The following C9orf72 variants were observed in gnomAD, a reference collection of about 807,000 sequenced individuals.
The protein encoded by C9orf72 is C9orf72-SMCR8 complex subunit.
Under a neutral mutation model 51.6 loss-of-function variants are expected in C9orf72, and 44 were observed. The observed-to-expected ratio is 0.85, with a 90% CI of 0.67 to 1.10. The LOEUF is 1.10. C9orf72 is among the 50% of genes least tolerant of loss of function. The pLI, the probability that C9orf72 is intolerant of heterozygous loss-of-function variation, is 0.00. For synonymous variants in C9orf72, 213 were observed against 194.2 expected (o/e 1.10, Z -0.81); for missense variants, 607 against 570.6 (o/e 1.06, Z -0.65).
chr9:27,549,462 G>A (rs183521255), intron 9 of C9orf72, among the ~76,000 whole-genome samples: 151 of 152,138 alleles, frequency 9.9e-4, no homozygotes, highest in African/African-American at 3.5e-3. Flanking sequence ...CCAGGCCTAC[G>A]AATTTTCCTT....
intron 7 of C9orf72, 122 bp from the exon 8 acceptor site, chr9:27,556,918 C>A (rs1819216145): frequency 2.9e-6 from 2 of 683,698 alleles, no homozygotes. Context: ...TCCTAAGAAG[C>A]TATTCATGAG....
chr9:27,563,709 A>C (rs936185668), intron 3 of C9orf72, among the ~76,000 whole-genome samples: 1 of 152,108 alleles, frequency 6.6e-6, no homozygotes, highest in Non-Finnish European at 1.5e-5. Context: ...GTTTTATCCT[A>C]AGCCATATGC....
intron 9 of C9orf72, 135 bp downstream of exon 9, chr9:27,550,515 T>C: frequency 2.0e-6 from 1 of 500,362 alleles, no homozygotes; most frequent in Non-Finnish European, 3.6e-6. Context: ...GTAACTAACT[T>C]AACTGCAATT....
chr9:27,572,552 G>A (rs1469889938), intron 1 of C9orf72, among the ~76,000 whole-genome samples: 2 of 151,908 alleles, frequency 1.3e-5, no homozygotes, highest in Non-Finnish European at 2.9e-5. Context: ...CATGGCAACT[G>A]TTTGAATAGA....
At position 27,567,028 on chromosome 9, in the gene C9orf72, A is replaced by C; in HGVS notation, c.93T>G (p.Ala31=). The change falls in exon 2 of 11, where the codon GCT becomes GCG. Residue 31 remains alanine, a synonymous_variant. Transcript: ENST00000380003. ...TAGGACCAAGAATATTGTCCCAGTAAGCAAAAGTAGCTGCTAATAAAGGTG... is the reference window on the plus strand; with the variant it reads ...TAGGACCAAGAATATTGTCCCAGTACGCAAAAGTAGCTGCTAATAAAGGTG... ...GKSPLLAATF[A]YWDNILGPRV... 1 of 1,614,050 alleles carries C rather than the reference A, an allele frequency of 6.2e-7. No homozygotes were observed. Among genetic ancestry groups the C allele is most frequent in the Non-Finnish European group, 8.5e-7 (1 of 1,179,908 alleles).
chr9:27,568,836 CTTTTTT>C (rs879307887), intron 1 of C9orf72, among the ~76,000 whole-genome samples: 5 of 145,550 alleles, frequency 3.4e-5, no homozygotes, highest in Admixed American at 1.4e-4. Context: ...ACTCCTTCTA[CTTTTTT>C]TTTTTTTAAG....
At chr9:27,557,291 A>T (rs962871894) in intron 7 of C9orf72, among the ~76,000 whole-genome samples, 19 of 152,188 alleles carry the variant, frequency 1.2e-4, no homozygotes, top group Non-Finnish European at 2.5e-4. Context: ...CACCTCAATG[A>T]GTATGTATTT....
chr9:27,552,216 T>C (rs907257351), intron 8 of C9orf72, among the ~76,000 whole-genome samples: 1 of 152,222 alleles, frequency 6.6e-6, no homozygotes, highest in Non-Finnish European at 1.5e-5. Flanking sequence ...GACATCCTTG[T>C]CTTGTTACGG....
intron 1 of C9orf72, 75 bp from the exon 2 acceptor site, chr9:27,567,239 G>T: frequency 1.1e-6 from 1 of 869,824 alleles, no homozygotes; most frequent in Non-Finnish European, 1.7e-6. Context: ...AAATGATTTA[G>T]ACATATTTGG....
chr9:27,558,859 T>C (rs768887139), intron 6 of C9orf72: 79 of 327,108 alleles, frequency 2.4e-4, no homozygotes, highest in Non-Finnish European at 3.5e-4. Context: ...TTTGGCTACA[T>C]ACTGTGACTC....
intron 8 of C9orf72, among the ~76,000 whole-genome samples, chr9:27,556,045 CT>C (rs202225226): frequency 1.3e-3 from 177 of 140,946 alleles, no homozygotes; most frequent in Admixed American, 1.6e-3. Flanking sequence ...ACTGTTCAGG[CT>C]TTTTTTTTTA....
chr9:27,565,536 C>G lies in C9orf72; in HGVS notation c.499G>C (p.Asp167His), dbSNP rs754495907. The G allele has an allele frequency of 6.3e-7, 1 of 1,598,306 alleles. No homozygotes were observed. The highest frequency in any genetic ancestry group is 1.1e-5 in the South Asian group (1 of 90,688). ...AGTATGCAATTTGCATATACCTGAT[C>G]TTCCATTCTCTCTGTGCCTTCTAAG... ...IILEGTERME[D>H]QGQSIIPMLT... Residue 167 changes from aspartate to histidine, a missense_variant, in exon 3 of 11, where the codon GAT (aspartate) becomes CAT (histidine). Asp to His is a moderately conservative substitution (Grantham distance 81). Coordinates refer to ENST00000380003, the MANE Select transcript of C9orf72 (RefSeq NM_018325.5).
chr9:27,547,429 G>A lies in C9orf72; in HGVS notation c.*807C>T, dbSNP rs1820791080. On this transcript the variant is annotated 3_prime_UTR_variant, in exon 11 of 11. Coordinates refer to ENST00000380003, the MANE Select transcript of C9orf72 (RefSeq NM_018325.5). ...TCCAAGTAATTAGATTTTCTAAGGAGAAAAAAGGCACAGGAGGTGCACATT... is the reference window on the plus strand; with the variant it reads ...TCCAAGTAATTAGATTTTCTAAGGAAAAAAAAGGCACAGGAGGTGCACATT... 6.5e-6 allele frequency: 1 copy of A among 152,672 alleles called. No individual in the cohort carries two copies. Among genetic ancestry groups the A allele is most frequent in the Non-Finnish European group, 1.5e-5 (1 of 67,986 alleles). The allele number at this position is 152,672 out of a possible 1,614,324, so 9.5% of individuals were successfully genotyped here.
intron 8 of C9orf72, among the ~76,000 whole-genome samples, chr9:27,552,515 ATTTTTT>A (rs71492751): frequency 6.7e-4 from 71 of 105,648 alleles, no homozygotes; most frequent in African/African-American, 2.3e-3. Context: ...TACCAAGCTA[ATTTTTT>A]TTTTTTTTTT....
In C9orf72 at chr9:27,548,599, T is replaced by C. The variant is rs1228487589; in HGVS notation, c.1217A>G (p.His406Arg). ...TFLAQFLLVL[H>R]RKALTLIKYI... ...TTTTATTAGTGTCAAGGCTTTTCTG[T>C]GAAGGACAAGTAGAAACTGTGCAAG... The change falls in exon 10 of 11, where the codon CAC (histidine) becomes CGC (arginine). Residue 406 changes from histidine (H) to arginine (R), a missense_variant. Transcript: ENST00000380003. 1 of 1,612,400 alleles carries C rather than the reference T, an allele frequency of 6.2e-7. No homozygotes were observed. Among genetic ancestry groups the C allele is most frequent in the East Asian group, 2.2e-5 (1 of 44,852 alleles).
chr9:27,556,215 T>C (rs1168837664), intron 8 of C9orf72, among the ~76,000 whole-genome samples: 1 of 152,160 alleles, frequency 6.6e-6, no homozygotes. Context: ...TCAATAACTG[T>C]TACATAATAG....
chr9:27,548,476 A>G (rs1243107535), intron 10 of C9orf72, 54 bp from the exon 11 acceptor site: 6 of 1,392,202 alleles, frequency 4.3e-6, no homozygotes, highest in African/African-American at 3.0e-5. Flanking sequence ...CGCAAAAATT[A>G]TGATATAGAA....
intron 7 of C9orf72, among the ~76,000 whole-genome samples, 159 bp downstream of exon 7, chr9:27,558,332 T>C (rs907424383): frequency 4.8e-4 from 73 of 151,840 alleles, no homozygotes; most frequent in African/African-American, 1.7e-3. Flanking sequence ...TATAAATCCA[T>C]AAGACATATA....
intron 3 of C9orf72, among the ~76,000 whole-genome samples, chr9:27,563,332 CA>C (rs1347895761): frequency 2.4e-4 from 36 of 152,102 alleles, no homozygotes; most frequent in African/African-American, 8.4e-4. Context: ...TTCAGTATAA[CA>C]CATCACAAAT....
Sources: gnomAD v4.1 joint callset for allele counts (sites outside exome capture counted in the v4.1 genomes callset) on GRCh38, gnomAD v4.1.1 for gene constraint, MANE v1.5 for transcripts, NCBI Gene and HGNC (gene_info 2026-07-23, HGNC 2026-07-21) for gene names.